Variants in GREB1L observed in about 807,000 individuals in gnomAD.
GREB1L encodes the protein GREB1-like protein.
A neutral mutation model predicts 200.8 loss-of-function variants in GREB1L; 17 were observed. That is an observed-to-expected ratio of 0.08 (90% CI 0.06 to 0.13). GREB1L has a LOEUF of 0.13. GREB1L is among the 10% of genes least tolerant of loss of function. GREB1L has a pLI of 1.00. For missense variants in GREB1L, 1,657 were observed against 2,367.7 expected, an observed-to-expected ratio of 0.70 and a Z score of 6.23; for synonymous variants, 789 against 893.0, an observed-to-expected ratio of 0.88 and a Z score of 2.08.
chr18:21,280,130 TA>T (rs1359354539), intron 1 of GREB1L, among the ~76,000 whole-genome samples: 1 of 152,222 alleles, frequency 6.6e-6, no homozygotes, highest in Non-Finnish European at 1.5e-5. Context: ...CTGTTACTAT[TA>T]GCATATCATG....
chr18:21,257,188 G>T (rs545241704), intron 1 of GREB1L, among the ~76,000 whole-genome samples: 5 of 151,880 alleles, frequency 3.3e-5, no homozygotes, highest in African/African-American at 1.2e-4. Context: ...GGATGGTCTC[G>T]ATCTCAACTG....
chr18:21,266,786 C>A (rs1222891042), intron 1 of GREB1L, among the ~76,000 whole-genome samples: 1 of 152,108 alleles, frequency 6.6e-6, no homozygotes, highest in Non-Finnish European at 1.5e-5. Flanking sequence ...ACATTAATGA[C>A]CCTGGCAAGG....
Position 21,312,691 on chromosome 18 carries a change from C to T in GREB1L, c.-119-53336C>T, listed in dbSNP as rs147982273. 1.3e-3 allele frequency among the ~76,000 whole-genome samples: 194 copies of T among 152,116 alleles called. 3 individuals are homozygous for T. In the East Asian group the frequency reaches 0.028, roughly 22 times the overall value. ...GCCTCAGCCTCCCGAGTAGCTGTGA[C>T]TACAGGCGCATGCCACCATGCCCAA... On this transcript the variant is annotated intron_variant, in intron 1 of 32. Coordinates refer to ENST00000424526, the MANE Select transcript of GREB1L (RefSeq NM_001142966.3).
intron 1 of GREB1L, among the ~76,000 whole-genome samples, chr18:21,350,045 T>A (rs1045942732): frequency 1.1e-4 from 16 of 152,094 alleles, no homozygotes; most frequent in Admixed American, 3.9e-4. Context: ...TGAGCTTTTA[T>A]AGTACTTTTT....
At chr18:21,455,433 G>A (rs1206304580) in intron 15 of GREB1L, among the ~76,000 whole-genome samples, 3 of 152,084 alleles carry the variant, frequency 2.0e-5, no homozygotes, top group Non-Finnish European at 4.4e-5. Flanking sequence ...TGTAATCCCA[G>A]CACTTTGGGA....
intron 27 of GREB1L, 85 bp from the exon 28 acceptor site, chr18:21,513,736 G>T: frequency 7.9e-7 from 1 of 1,272,770 alleles, no homozygotes. Flanking sequence ...GCATTCTGTG[G>T]AGAGAATATA....
intron 1 of GREB1L, among the ~76,000 whole-genome samples, chr18:21,324,141 T>G (rs2038989342): frequency 6.6e-6 from 1 of 152,204 alleles, no homozygotes; most frequent in South Asian, 2.1e-4. Context: ...AGAGAAGTTG[T>G]TACTATATTT....
At chr18:21,291,790 G>A (rs149887160) in intron 1 of GREB1L, among the ~76,000 whole-genome samples, 26 of 152,268 alleles carry the variant, frequency 1.7e-4, no homozygotes, top group East Asian at 1.4e-3. Context: ...GGTGGCTCAC[G>A]CGTGGAACCA....
intron 1 of GREB1L, among the ~76,000 whole-genome samples, chr18:21,328,181 C>T (rs754263025): frequency 2.1e-4 from 32 of 152,188 alleles, no homozygotes; most frequent in Admixed American, 1.2e-3. Context: ...GCCATTGCCC[C>T]CCCCCGTTCC....
At chr18:21,261,616 C>G (rs1361423999) in intron 1 of GREB1L, among the ~76,000 whole-genome samples, 1 of 152,050 alleles carries the variant, frequency 6.6e-6, no homozygotes, top group Non-Finnish European at 1.5e-5. Flanking sequence ...TTGATCTACC[C>G]TAACCTTTCT....
intron 27 of GREB1L, 123 bp downstream of exon 27, chr18:21,508,714 GGA>G: frequency 3.4e-5 from 11 of 320,994 alleles, no homozygotes; most frequent in East Asian, 9.1e-5. Context: ...ACCACTCTTC[GGA>G]AAAAAAAAAA....
At chr18:21,522,503 T>A (rs2037621072) in intron 32 of GREB1L, among the ~76,000 whole-genome samples, 155 bp from the exon 33 acceptor site, 2 of 152,254 alleles carry the variant, frequency 1.3e-5, no homozygotes, top group South Asian at 4.1e-4. Flanking sequence ...TTACTGAATT[T>A]GCAAAACTAC....
intron 15 of GREB1L, among the ~76,000 whole-genome samples, chr18:21,464,000 G>A (rs2035164891): frequency 6.6e-6 from 1 of 152,150 alleles, no homozygotes; most frequent in Non-Finnish European, 1.5e-5. Flanking sequence ...GCGTCACAAG[G>A]AATGATAGCA....
chr18:21,368,935 T>A (rs1160800995), intron 2 of GREB1L, among the ~76,000 whole-genome samples: 1 of 152,202 alleles, frequency 6.6e-6, no homozygotes, highest in Non-Finnish European at 1.5e-5. Flanking sequence ...ATCTGGTTAA[T>A]GTTCATAGCC....
intron 10 of GREB1L, 55 bp from the exon 11 acceptor site, chr18:21,444,169 G>A: frequency 7.7e-7 from 1 of 1,306,664 alleles, no homozygotes; most frequent in Non-Finnish European, 1.1e-6. Flanking sequence ...AAGTGTACCT[G>A]GTTGGACCAT....
At chr18:21,404,527 G>A (rs1232828437) in intron 7 of GREB1L, among the ~76,000 whole-genome samples, 2 of 152,178 alleles carry the variant, frequency 1.3e-5, no homozygotes, top group Admixed American at 6.5e-5. Context: ...CCTGAAACTA[G>A]GTCACAATAT....
At chr18:21,522,608 A>G in intron 32 of GREB1L, 50 bp from the exon 33 acceptor site, 1 of 1,388,396 alleles carries the variant, frequency 7.2e-7, no homozygotes, top group Admixed American at 2.6e-5. Context: ...AAAGTTCTTT[A>G]TAAATTCAAT....
intron 27 of GREB1L, among the ~76,000 whole-genome samples, chr18:21,512,032 G>A: frequency 6.6e-6 from 1 of 151,902 alleles, no homozygotes; most frequent in East Asian, 1.9e-4. Flanking sequence ...TATATGAGAG[G>A]GTTTATTTCT....
At chr18:21,478,582 T>C (rs1264840020) in intron 17 of GREB1L, among the ~76,000 whole-genome samples, 1 of 152,236 alleles carries the variant, frequency 6.6e-6, no homozygotes, top group African/African-American at 2.4e-5. Context: ...ATTGGTTTGT[T>C]CCTTGCAAGC....
Sources: gnomAD v4.1 joint callset for allele counts (sites outside exome capture counted in the v4.1 genomes callset) on GRCh38, gnomAD v4.1.1 for gene constraint, MANE v1.5 for transcripts, NCBI Gene and HGNC (gene_info 2026-07-23, HGNC 2026-07-21) for gene names.